The following PARD3B variants were observed in gnomAD, a reference collection of about 807,000 sequenced individuals.
The protein encoded by PARD3B is partitioning defective 3 homolog B.
PARD3B carries 103 observed loss-of-function variants against 130.2 expected under a neutral mutation model. The observed-to-expected ratio is 0.79, with a 90% CI of 0.67 to 0.93. The LOEUF (loss-of-function observed/expected upper bound fraction) is 0.93, where lower values mean the gene tolerates loss of function less well. Ranked by LOEUF, PARD3B falls within the 40% of genes least tolerant of loss-of-function variation. The pLI is 0.00. For missense variants in PARD3B, 1,609 were observed against 1,499.2 expected, an observed-to-expected ratio of 1.07 and a Z score of -1.21; for synonymous variants, 583 against 553.2, an observed-to-expected ratio of 1.05 and a Z score of -0.76.
chr2:204,701,228 T>A (rs951757236), intron 2 of PARD3B, among the ~76,000 whole-genome samples: 1 of 152,184 alleles, frequency 6.6e-6, no homozygotes, highest in Non-Finnish European at 1.5e-5. Flanking sequence ...AACATTTTGC[T>A]ATAATTCTGA....
In PARD3B at chr2:205,552,762, A is replaced by G. The variant is rs1236670039; in HGVS notation, c.3181-562A>G. 4.6e-5 allele frequency among the ~76,000 whole-genome samples: 7 copies of G among 152,164 alleles called. No individual in the cohort carries two copies. The East Asian group carries it at 1.4e-3, about 30-fold the overall frequency. On this transcript the variant is annotated intron_variant, in intron 21 of 22. Coordinates refer to ENST00000406610, the MANE Select transcript of PARD3B (RefSeq NM_001302769.2). ...GGTCTTTTCACAGCCAAGAAGAGCT[A>G]TAATGGCGTGAAAACTAAATGTAAC...
intron 16 of PARD3B, among the ~76,000 whole-genome samples, chr2:205,254,438 G>A (rs371374444): frequency 6.6e-5 from 10 of 152,100 alleles, no homozygotes; most frequent in African/African-American, 2.4e-4. Flanking sequence ...GCCAGCTAAT[G>A]TTGAGAAATA....
chr2:205,433,940 T>G (rs1431219488), intron 19 of PARD3B, among the ~76,000 whole-genome samples: 1 of 152,242 alleles, frequency 6.6e-6, no homozygotes, highest in Non-Finnish European at 1.5e-5. Flanking sequence ...TAATTTTTGC[T>G]ATGATGAATA....
At chr2:204,754,677 A>G (rs933372205) in intron 2 of PARD3B, among the ~76,000 whole-genome samples, 1 of 152,184 alleles carries the variant, frequency 6.6e-6, no homozygotes, top group Non-Finnish European at 1.5e-5. Context: ...AAATCCTAAG[A>G]TAATAATGAC....
chr2:204,619,245 A>G (rs2034213780), intron 1 of PARD3B, among the ~76,000 whole-genome samples: 1 of 152,196 alleles, frequency 6.6e-6, no homozygotes, highest in African/African-American at 2.4e-5. Flanking sequence ...CAGCAGCCTC[A>G]CTGCATGACC....
intron 2 of PARD3B, among the ~76,000 whole-genome samples, chr2:204,957,600 G>A (rs1376665679): frequency 1.3e-5 from 2 of 152,118 alleles, no homozygotes; most frequent in African/African-American, 4.8e-5. Context: ...ATGTGAGCCT[G>A]CTAATTTTTA....
At chr2:204,566,676 A>G (rs749498483) in intron 1 of PARD3B, among the ~76,000 whole-genome samples, 14 of 152,198 alleles carry the variant, frequency 9.2e-5, no homozygotes, top group African/African-American at 1.4e-4. Flanking sequence ...ATTACTAAAT[A>G]TCTATAAAGA....
rs1367284836 is a variant in PARD3B, at chr2:205,229,525, T to C, written c.2141-16253T>C. Among the ~76,000 whole-genome samples, 1 of 152,188 alleles carries C rather than the reference T, an allele frequency of 6.6e-6. No homozygotes were observed. Among genetic ancestry groups the C allele is most frequent in the Non-Finnish European group, 1.5e-5 (1 of 68,030 alleles). On this transcript the variant is annotated intron_variant, in intron 15 of 22. Coordinates refer to ENST00000406610, the MANE Select transcript of PARD3B (RefSeq NM_001302769.2). This position sits in a 1 kb window ranked among gnomAD's most constrained non-coding sequence, Gnocchi z 5.2. ...CAAACACATAAAGCCTCTCTCTGTG[T>C]GCTGAGCCACCTAGAACCGGTGTAG...
intron 1 of PARD3B, among the ~76,000 whole-genome samples, chr2:204,661,851 A>G (rs371383843): frequency 2.0e-5 from 3 of 151,928 alleles, no homozygotes; most frequent in South Asian, 4.1e-4. Flanking sequence ...CTGGATTCTT[A>G]TATCTCCTTC....
intron 15 of PARD3B, among the ~76,000 whole-genome samples, chr2:205,206,412 T>C (rs1314145908): frequency 1.5e-5 from 2 of 133,362 alleles, no homozygotes; most frequent in Non-Finnish European, 3.1e-5. Context: ...TTCCCCTTCC[T>C]GTGTCCATGT....
intron 2 of PARD3B, among the ~76,000 whole-genome samples, chr2:204,960,568 A>G (rs1476270504): frequency 6.6e-6 from 1 of 152,202 alleles, no homozygotes; most frequent in Non-Finnish European, 1.5e-5. Context: ...TTAAAAAAAT[A>G]TTTGAATGTT....
rs766292798 is a variant in PARD3B at position 204,545,979 on chromosome 2, G to A, written c.-21G>A. On this transcript the variant is annotated 5_prime_UTR_variant, in exon 1 of 23. Transcript: ENST00000406610. ...TCAGACACCTGTTCGGCCCGGCCCG[G>A]CGTGGTCGCCGGGGGCCAGGATGAA... The A allele has an allele frequency of 1.3e-6, 2 of 1,548,212 alleles. No individual in the cohort carries two copies. The highest frequency in any genetic ancestry group is 2.5e-5 in the East Asian group (1 of 40,644).
chr2:205,067,029 A>G (rs138872493), intron 4 of PARD3B, among the ~76,000 whole-genome samples: 62 of 149,962 alleles, frequency 4.1e-4, no homozygotes, highest in Non-Finnish European at 6.5e-4. Flanking sequence ...TTATCTCAGT[A>G]GAAACTAACA....
chr2:205,207,093 T>C (rs1232446568), intron 15 of PARD3B, among the ~76,000 whole-genome samples: 72 of 141,146 alleles, frequency 5.1e-4, no homozygotes, highest in African/African-American at 1.8e-3. Context: ...ACATGGAAAC[T>C]GAACAACCTG....
chr2:205,093,058 G>T (rs1702202212), intron 4 of PARD3B, among the ~76,000 whole-genome samples: 1 of 152,070 alleles, frequency 6.6e-6, no homozygotes, highest in South Asian at 2.1e-4. Context: ...TGCCAGAGAT[G>T]CCTCTGGCAA....
At chr2:204,851,463 A>C (rs1010201536) in intron 2 of PARD3B, among the ~76,000 whole-genome samples, 2 of 152,234 alleles carry the variant, frequency 1.3e-5, no homozygotes, top group African/African-American at 4.8e-5. Flanking sequence ...AATGGTAAAC[A>C]TTGCACCAAA....
intron 21 of PARD3B, among the ~76,000 whole-genome samples, chr2:205,542,144 C>CAAAAAAAAAAAAAAA (rs71032484): frequency 2.6e-5 from 1 of 38,056 alleles, no homozygotes; most frequent in Admixed American, 4.6e-4. Context: ...ACTCCGTCTC[C>CAAAAAAAAAAAAAAA]AAAAAAAAAA....
At position 204,951,860 on chromosome 2, in the gene PARD3B, G is replaced by A. The variant is rs151304936; in HGVS notation, c.223-13292G>A. ...GAGGACTTTGGTGAGAGTCAAAGAC[G>A]CATGCTCACAGACACATTTTTATTT... On this transcript the variant is annotated intron_variant, in intron 2 of 22. Transcript: ENST00000406610. Among the ~76,000 whole-genome samples, 1,082 of 152,190 alleles carry A rather than the reference G, an allele frequency of 7.1e-3. 15 individuals carry two copies. Among genetic ancestry groups the A allele is most frequent in the African/African-American group, 0.024 (984 of 41,512 alleles).
intron 2 of PARD3B, among the ~76,000 whole-genome samples, chr2:204,895,172 G>A (rs559998729): frequency 6.6e-6 from 1 of 152,152 alleles, no homozygotes; most frequent in South Asian, 2.1e-4. Flanking sequence ...CCTACTTAGA[G>A]ACAAAAACTA....
Sources: allele counts gnomAD v4.1 joint callset (sites outside exome capture counted in the v4.1 genomes callset), GRCh38; gene constraint gnomAD v4.1.1; non-coding constraint Gnocchi (gnomAD v3.1); transcripts MANE v1.5; gene names NCBI Gene and HGNC (gene_info 2026-07-23, HGNC 2026-07-21).